Variants in TMEM45A observed in about 807,000 individuals in gnomAD.
TMEM45A encodes the protein transmembrane protein 45A, also known as DNA polymerase-transactivated protein 4.
TMEM45A carries 25 observed loss-of-function variants against 32.0 expected under a neutral mutation model. The observed-to-expected ratio is 0.78, with a 90% CI of 0.57 to 1.09. TMEM45A has a LOEUF of 1.09. Among genes scored for constraint, TMEM45A ranks in the 50% least tolerant of loss-of-function variants. The pLI, the probability that TMEM45A is intolerant of heterozygous loss-of-function variation, is 0.00. For synonymous variants in TMEM45A, 122 were observed against 114.8 expected (o/e 1.06, Z -0.40); for missense variants, 302 against 325.0 (o/e 0.93, Z 0.54).
chr3:100,520,643 T>C (rs1168784052), intron 1 of TMEM45A, among the ~76,000 whole-genome samples: 1 of 152,210 alleles, frequency 6.6e-6, no homozygotes, highest in Non-Finnish European at 1.5e-5. Flanking sequence ...CAGCTAAGTA[T>C]AGTCCCTTGT....
chr3:100,505,810 C>T (rs1418414790), intron 1 of TMEM45A, among the ~76,000 whole-genome samples: 2 of 152,128 alleles, frequency 1.3e-5, no homozygotes, highest in African/African-American at 4.8e-5. Flanking sequence ...GACAAAAAGG[C>T]GTACACTCGG....
rs572177490 is a variant in TMEM45A, at chr3:100,542,351, T to A, written c.-3-12858T>A. 3.3e-5 allele frequency among the ~76,000 whole-genome samples: 5 copies of A among 152,278 alleles called. No homozygotes were observed. The South Asian group carries it at 1.0e-3, about 32-fold the overall frequency. On this transcript the variant is annotated intron_variant, in intron 1 of 5. Coordinates refer to ENST00000323523, the MANE Select transcript of TMEM45A (RefSeq NM_018004.3). ...CATAGACATATGAATACTAGAAGGA[T>A]CGTAGAAGAAAACCTAGGAAACACC...
intron 1 of TMEM45A, among the ~76,000 whole-genome samples, chr3:100,508,775 G>C (rs1708113505): frequency 6.6e-6 from 1 of 151,868 alleles, no homozygotes; most frequent in South Asian, 2.1e-4. Context: ...GAATGAAACT[G>C]TCTGAATGAA....
chr3:100,559,423 C>A (rs1221696994), intron 4 of TMEM45A, among the ~76,000 whole-genome samples: 12 of 152,152 alleles, frequency 7.9e-5, no homozygotes, highest in African/African-American at 2.9e-4. Flanking sequence ...GGGAGAGAAA[C>A]ATCATGGTCA....
chr3:100,513,650 A>C (rs1413276744), intron 1 of TMEM45A, among the ~76,000 whole-genome samples: 2 of 150,582 alleles, frequency 1.3e-5, no homozygotes, highest in Non-Finnish European at 3.0e-5. Flanking sequence ...AGAAGGAAAT[A>C]AAGGGTATTC....
At chr3:100,563,545 C>T (rs1706373486) in intron 4 of TMEM45A, among the ~76,000 whole-genome samples, 1 of 152,132 alleles carries the variant, frequency 6.6e-6, no homozygotes, top group Non-Finnish European at 1.5e-5. Flanking sequence ...GTCCACAGCT[C>T]TAAACACTCA....
At chr3:100,504,230 T>C (rs1708049372) in intron 1 of TMEM45A, among the ~76,000 whole-genome samples, 1 of 150,564 alleles carries the variant, frequency 6.6e-6, no homozygotes, top group Non-Finnish European at 1.5e-5. Context: ...CCTGAGTCCA[T>C]TGTAGCCTTA....
intron 1 of TMEM45A, among the ~76,000 whole-genome samples, chr3:100,497,739 C>G (rs1421712434): frequency 1.3e-5 from 2 of 152,156 alleles, no homozygotes; most frequent in African/African-American, 4.8e-5. Context: ...CCAGAATATC[C>G]TTCCTTTTTA....
intron 1 of TMEM45A, among the ~76,000 whole-genome samples, chr3:100,533,079 C>G (rs1158535483): frequency 6.6e-6 from 1 of 152,058 alleles, no homozygotes; most frequent in African/African-American, 2.4e-5. Flanking sequence ...TGTAAAATGT[C>G]TTGGTACATA....
rs1163560697 is a variant in TMEM45A, at chr3:100,539,472, T to TGCATATGCATATGCATATGTATAC, written c.-3-15736_-3-15735insCATATGCATATGCATATGTATACG. 5.0e-5 allele frequency among the ~76,000 whole-genome samples: 7 copies of TGCATATGCATATGCATATGTATAC among 139,038 alleles called. 1 individual carries two copies. Among genetic ancestry groups the TGCATATGCATATGCATATGTATAC allele is most frequent in the Non-Finnish European group, 1.1e-4 (7 of 63,552 alleles). 91.2% of individuals were successfully genotyped at this position (139,038 alleles called of 152,430 possible). Reference sequence around the variant, plus strand: ...ATGTATATGTATATGTATATGTATATGTATATGTATATGTATATGTATACG... The same window carrying TGCATATGCATATGCATATGTATAC: ...ATGTATATGTATATGTATATGTATATGCATATGCATATGCATATGTATACGTATATGTATATGTATATGTATACG... On this transcript the variant is annotated intron_variant, in intron 1 of 5. Transcript: ENST00000323523.
At chr3:100,498,476 C>T (rs187803484) in intron 1 of TMEM45A, among the ~76,000 whole-genome samples, 23 of 152,266 alleles carry the variant, frequency 1.5e-4, no homozygotes, top group African/African-American at 5.1e-4. Context: ...GCAAGTCTTC[C>T]TTGCACCTTC....
chr3:100,560,247 T>TTCTCTC (rs759056986), intron 4 of TMEM45A, among the ~76,000 whole-genome samples: 1 of 146,748 alleles, frequency 6.8e-6, no homozygotes, highest in African/African-American at 2.6e-5. Flanking sequence ...TGTTTTCTGC[T>TTCTCTC]TCTCTCTCTC....
Position 100,519,735 on chromosome 3 carries a change from T to C in TMEM45A, c.-4+26807T>C, listed in dbSNP as rs1409828484. On this transcript the variant is annotated intron_variant, in intron 1 of 5. Coordinates refer to ENST00000323523, the MANE Select transcript of TMEM45A (RefSeq NM_018004.3). ...TTTATGACATTGTGCAAGTAACTTATTGTGGGTTGTGGCTGATCAAGGCAA... is the reference window on the plus strand; with the variant it reads ...TTTATGACATTGTGCAAGTAACTTACTGTGGGTTGTGGCTGATCAAGGCAA... 4 of 965,864 alleles carry C rather than the reference T, an allele frequency of 4.1e-6. No homozygotes were observed. In the African/African-American group the frequency reaches 4.9e-5, roughly 12 times the overall value. 59.8% of individuals were successfully genotyped at this position (965,864 alleles called of 1,614,324 possible). A position where few individuals can be genotyped will look rare whatever the true frequency, so the allele number is the denominator to read the frequency against.
intron 1 of TMEM45A, among the ~76,000 whole-genome samples, chr3:100,501,995 T>C (rs898841361): frequency 3.3e-5 from 5 of 152,212 alleles, no homozygotes; most frequent in South Asian, 4.1e-4. Context: ...AAGGAATTTC[T>C]GAACTTCAGA....
At chr3:100,539,644 T>C (rs904939928) in intron 1 of TMEM45A, among the ~76,000 whole-genome samples, 16 of 152,224 alleles carry the variant, frequency 1.1e-4, no homozygotes, top group African/African-American at 3.9e-4. Context: ...GGAGCTCCTA[T>C]GTCCAAGGGC....
At chr3:100,515,191 G>GGGA (rs2148941697) in intron 1 of TMEM45A, among the ~76,000 whole-genome samples, 2 of 152,188 alleles carry the variant, frequency 1.3e-5, no homozygotes, top group Non-Finnish European at 2.9e-5. Flanking sequence ...TGTTTATTGT[G>GGGA]TCATTATTCT....
chr3:100,541,055 T>G (rs1705863855), intron 1 of TMEM45A, among the ~76,000 whole-genome samples: 1 of 152,222 alleles, frequency 6.6e-6, no homozygotes, highest in Non-Finnish European at 1.5e-5. Context: ...ATGGTTTTGA[T>G]TTGGATATCT....
At chr3:100,572,266 T>G (rs1486965622) in intron 5 of TMEM45A, 1 of 151,886 alleles carries the variant, frequency 6.6e-6, no homozygotes, top group South Asian at 2.1e-4. Context: ...CACCTGTTGT[T>G]TCCTGACTTT....
intron 1 of TMEM45A, among the ~76,000 whole-genome samples, chr3:100,517,481 T>C (rs1314211010): frequency 6.6e-6 from 1 of 152,258 alleles, no homozygotes; most frequent in Non-Finnish European, 1.5e-5. Flanking sequence ...CTTTCCTTCA[T>C]GGTTTGGCAC....
Sources: gnomAD v4.1 joint callset for allele counts (sites outside exome capture counted in the v4.1 genomes callset) on GRCh38, gnomAD v4.1.1 for gene constraint, MANE v1.5 for transcripts, NCBI Gene and HGNC (gene_info 2026-07-23, HGNC 2026-07-21) for gene names.